The following TUSC3 variants were observed in gnomAD, a reference collection of about 807,000 sequenced individuals.
TUSC3 encodes dolichyl-diphosphooligosaccharide--protein glycosyltransferase subunit TUSC3.
A neutral mutation model predicts 44.8 loss-of-function variants in TUSC3; 45 were observed. That is an observed-to-expected ratio of 1.00 (90% CI 0.79 to 1.29). TUSC3 has a LOEUF of 1.29. Among genes scored for constraint, TUSC3 ranks in the 50% most tolerant of loss-of-function variants. The pLI, the probability that TUSC3 is intolerant of heterozygous loss-of-function variation, is 0.00. For missense variants in TUSC3, 519 were observed against 437.9 expected (o/e 1.19, Z -1.65); for synonymous variants, 212 against 152.9 (o/e 1.39, Z -2.85).
At chr8:15,768,387 C>G (rs943530858), downstream of TUSC3, among the ~76,000 whole-genome samples, 2 of 152,026 alleles carry the variant, frequency 1.3e-5, no homozygotes, top group East Asian at 1.9e-4. Context: ...AGGCTATCCA[C>G]TTTATAAAAA....
chr8:15,536,103 C>T (rs1470821048), upstream of TUSC3, among the ~76,000 whole-genome samples: 1 of 152,174 alleles, frequency 6.6e-6, no homozygotes. Flanking sequence ...AAAGATTGGA[C>T]ACCACTGATC....
chr8:15,532,750 C>T (rs945938825), intron 2 of TUSC3, among the ~76,000 whole-genome samples: 2 of 152,152 alleles, frequency 1.3e-5, no homozygotes, highest in South Asian at 2.1e-4. Flanking sequence ...TTCACGGGGG[C>T]AGGTCTTTCC....
chr8:15,811,038 A>G, the TUSC3 span, among the ~76,000 whole-genome samples: 2 of 152,086 alleles, frequency 1.3e-5, no homozygotes, highest in African/African-American at 4.8e-5. Context: ...GCTCATCAGC[A>G]GAGAGTGAGG....
At chr8:15,659,436 GAA>G in intron 3 of TUSC3, 69 bp from the exon 4 acceptor site, 1 of 1,561,350 alleles carries the variant, frequency 6.4e-7, no homozygotes, top group Non-Finnish European at 8.7e-7. Context: ...AATTTCTACA[GAA>G]AAAGTGTAAA....
At chr8:15,652,762 C>T (rs1026483862) in intron 3 of TUSC3, among the ~76,000 whole-genome samples, 1 of 152,136 alleles carries the variant, frequency 6.6e-6, no homozygotes, top group African/African-American at 2.4e-5. Flanking sequence ...CTTGAATCCT[C>T]TCTATCATAT....
intron 2 of TUSC3, among the ~76,000 whole-genome samples, chr8:15,484,332 T>C (rs559587612): frequency 6.6e-6 from 1 of 152,240 alleles, no homozygotes; most frequent in African/African-American, 2.4e-5. Flanking sequence ...TCTCTCCTTA[T>C]CAGAAATGAA....
At chr8:15,792,611 C>T in the TUSC3 span, among the ~76,000 whole-genome samples, 1 of 151,764 alleles carries the variant, frequency 6.6e-6, no homozygotes, top group Non-Finnish European at 1.5e-5. Flanking sequence ...TTTTTCTTTT[C>T]GTTTTTTTGT....
Position 15,546,341 on chromosome 8 carries a change from A to G in TUSC3, c.138+5773A>G, listed in dbSNP as rs539429444. On this transcript the variant is annotated intron_variant, in intron 1 of 10. Transcript: ENST00000503731. ...AGTTTTTATCTAATCACTTGCCGGT[A>G]TAATACAGCTTTGTAGTTCTTACCC... is the stretch of plus-strand genomic sequence containing the variant. Among the ~76,000 whole-genome samples the G allele has an allele frequency of 3.3e-5, 5 of 151,920 alleles. 1 individual carries two copies. In the South Asian group the frequency reaches 8.3e-4, roughly 25 times the overall value.
intron 2 of TUSC3, among the ~76,000 whole-genome samples, chr8:15,519,571 T>C (rs1801266835): frequency 6.6e-6 from 1 of 152,086 alleles, no homozygotes; most frequent in Non-Finnish European, 1.5e-5. Context: ...AGAATCCTAT[T>C]GTGAACTGTG....
At chr8:15,505,345 T>C (rs557824753) in intron 2 of TUSC3, among the ~76,000 whole-genome samples, 3 of 152,258 alleles carry the variant, frequency 2.0e-5, no homozygotes, top group Admixed American at 6.5e-5. Context: ...TTTCATGTGT[T>C]ATAATGGCAT....
intron 6 of TUSC3, among the ~76,000 whole-genome samples, chr8:15,718,872 C>G (rs1230790659): frequency 6.6e-6 from 1 of 151,954 alleles, no homozygotes; most frequent in African/African-American, 2.4e-5. Context: ...ATGTTGTTGC[C>G]TTTTGTATAA....
At chr8:15,561,606 A>G (rs6988674) in intron 1 of TUSC3, 54,588 of 151,012 alleles carry the variant, frequency 0.36, 12,225 homozygotes, top group Non-Finnish European at 0.48. Context: ...CCCCAGCCTC[A>G]CTGCCGCCTT....
chr8:15,506,150 A>T (rs1801047611), intron 2 of TUSC3, among the ~76,000 whole-genome samples: 1 of 152,162 alleles, frequency 6.6e-6, no homozygotes, highest in Non-Finnish European at 1.5e-5. Context: ...AACACACAGT[A>T]TATTATCTGC....
the TUSC3 span, among the ~76,000 whole-genome samples, chr8:15,797,870 C>G: frequency 6.6e-6 from 1 of 152,156 alleles, no homozygotes; most frequent in Non-Finnish European, 1.5e-5. Context: ...TAACTGAATT[C>G]AAGTTGATGA....
the TUSC3 span, among the ~76,000 whole-genome samples, chr8:15,817,107 T>A: frequency 1.3e-5 from 2 of 152,042 alleles, no homozygotes; most frequent in Non-Finnish European, 2.9e-5. Context: ...AAAGGGACCA[T>A]CAGTCACTGC....
chr8:15,845,175 C>T, the TUSC3 span, among the ~76,000 whole-genome samples: 2 of 152,084 alleles, frequency 1.3e-5, no homozygotes, highest in Admixed American at 6.6e-5. Context: ...TTAAGTCCCT[C>T]GGATAAAGCG....
chr8:15,595,248 A>G (rs752967554), intron 1 of TUSC3, among the ~76,000 whole-genome samples: 34 of 152,182 alleles, frequency 2.2e-4, no homozygotes, highest in African/African-American at 7.0e-4. Context: ...CTTTACACAT[A>G]GGATTTGATC....
intron 7 of TUSC3, among the ~76,000 whole-genome samples, chr8:15,738,827 C>CTTTTTTTTTTTTT (rs375655033): frequency 1.3e-4 from 11 of 87,198 alleles, no homozygotes; most frequent in African/African-American, 2.9e-4. Context: ...ATATATCTTG[C>CTTTTTTTTTTTTT]TTTTTTTTTT....
At chr8:15,850,885 A>T in the TUSC3 span, among the ~76,000 whole-genome samples, 2 of 152,192 alleles carry the variant, frequency 1.3e-5, no homozygotes, top group Non-Finnish European at 2.9e-5. Flanking sequence ...CCTCCTTCGA[A>T]TTCCTGTTCT....
Sources: gnomAD v4.1 joint callset for allele counts (sites outside exome capture counted in the v4.1 genomes callset) on GRCh38, gnomAD v4.1.1 for gene constraint, MANE v1.5 for transcripts, NCBI Gene and HGNC (gene_info 2026-07-23, HGNC 2026-07-21) for gene names.